Variants in NDST2 observed in about 807,000 individuals in gnomAD.
NDST2 encodes N-deacetylase and N-sulfotransferase 2.
A neutral mutation model predicts 86.9 loss-of-function variants in NDST2; 32 were observed. The ratio of observed to expected loss-of-function variants is 0.37; its 90% confidence interval spans 0.28 to 0.49. NDST2 has a LOEUF of 0.49. Among genes scored for constraint, NDST2 ranks in the 20% least tolerant of loss-of-function variants. The pLI, the probability that NDST2 is intolerant of heterozygous loss-of-function variation, is 0.97. For missense variants in NDST2, 950 were observed against 1,146.9 expected, an observed-to-expected ratio of 0.83 and a Z score of 2.48; for synonymous variants, 409 against 437.0, an observed-to-expected ratio of 0.94 and a Z score of 0.80.
In NDST2 at chr10:73,807,092, AG is replaced by A; in HGVS notation, c.1093+15del. On this transcript the variant is annotated intron_variant, in intron 4 of 14. Transcript: ENST00000309979. ...TCAAACTATGATATGCCAAAGGAGTAGGGGTATAAGCTCACCAGTATGATAG... is the reference window on the plus strand; with the variant it reads ...TCAAACTATGATATGCCAAAGGAGTAGGGTATAAGCTCACCAGTATGATAG... The A allele has an allele frequency of 6.2e-7, 1 of 1,607,942 alleles. No individual in the cohort carries two copies. Among genetic ancestry groups the A allele is most frequent in the Non-Finnish European group, 8.5e-7 (1 of 1,174,454 alleles).
In NDST2 at chr10:73,803,345, A is replaced by C. The variant is rs1589609306; in HGVS notation, c.2157T>G (p.His719Gln). The C allele has an allele frequency of 6.2e-7, 1 of 1,614,096 alleles. No individual in the cohort carries two copies. The highest frequency in any genetic ancestry group is 1.3e-5 in the African/African-American group (1 of 74,924). Residue 719 changes from histidine to glutamine, a missense_variant, in exon 12 of 15, where the codon CAT becomes CAG. This residue lies in a region of NDST2 where 303 missense variants were observed against 323.7 expected (regional missense o/e 0.94). Coordinates refer to ENST00000309979, the MANE Select transcript of NDST2 (RefSeq NM_003635.4). ...AYSWYQHQRA[H>Q]GDPVALNYTF... ...TATAGTTCAGAGCAACTGGGTCTCC[A>C]TGGGCTCGCTGATGCTGAAGGACAA...
In NDST2 at chr10:73,803,019, C is replaced by A; in HGVS notation, c.2376G>T (p.Gln792His). 6.2e-7 allele frequency: 1 copy of A among 1,614,224 alleles called. No homozygotes were observed. The highest frequency in any genetic ancestry group is 8.5e-7 in the Non-Finnish European group (1 of 1,180,048). Reference protein sequence around the residue: ...TNPAASMESIQKFLGITPFLN... With the variant: ...TNPAASMESIHKFLGITPFLN... The stretch of plus-strand genomic sequence containing the variant: ...GAAAGGGTGTGATACCCAGGAACTT[C>A]TGGATGCTCTCCATTGAGGCTGCTG... The change falls in exon 13 of 15, where the codon CAG (glutamine) becomes CAT (histidine). Residue 792 changes from glutamine to histidine, a missense_variant. Physicochemically the swap from Gln to His is conservative, Grantham distance 24. Transcript: ENST00000309979.
chr10:73,804,533 A>G (rs2084064864), intron 9 of NDST2, among the ~76,000 whole-genome samples: 1 of 152,038 alleles, frequency 6.6e-6, no homozygotes, highest in Admixed American at 6.6e-5. Flanking sequence ...CCCAGCTACT[A>G]GGGAAGCTGA....
rs1237169068 is a variant in NDST2 at position 73,802,703 on chromosome 10, C to T, written c.2497G>A (p.Gly833Ser). 7 of 1,614,014 alleles carry T rather than the reference C, an allele frequency of 4.3e-6. No homozygotes were observed. The highest frequency in any genetic ancestry group is 5.9e-6 in the Non-Finnish European group (7 of 1,179,860). ...GKTRCLGRSK[G>S]RRYPDMDTES... is the part of the protein sequence containing the mutation. ...GTGTCCATATCTGGATACCTCCGGC[C>T]TTTGCTCCGGCCTAGACAGCGAGTC... The change falls in exon 14 of 15, where the codon GGC becomes AGC. Residue 833 changes from glycine (G) to serine (S), a missense_variant. By Grantham distance (56) the Gly-to-Ser change is moderately conservative (BLOSUM62 0). This residue lies in a region of NDST2 where 303 missense variants were observed against 323.7 expected (regional missense o/e 0.94). Transcript: ENST00000309979.
rs187397092 is a variant in NDST2 at position 73,803,617 on chromosome 10, G to A, written c.2099C>T (p.Thr700Ile). ...CCTGTCAGCAGGGTTGGTGAGCACT[G>A]TGATGATCTTGGCTCGTGGCAGGAG... ...AALLPRAKII[T>I]VLTNPADRAY... Residue 700 changes from threonine to isoleucine, a missense_variant, in exon 11 of 15, where the codon ACA (threonine) becomes ATA (isoleucine). Thr to Ile is a moderately conservative substitution (Grantham distance 89, BLOSUM62 -1). Coordinates refer to ENST00000309979, the MANE Select transcript of NDST2 (RefSeq NM_003635.4). The A allele has an allele frequency of 5.6e-6, 9 of 1,613,220 alleles. No individual in the cohort carries two copies. The East Asian group carries it at 2.0e-4, about 36-fold the overall frequency.
chr10:73,803,309 C>G lies in NDST2; in HGVS notation c.2193G>C (p.Gln731His). 1 of 1,614,148 alleles carries G rather than the reference C, an allele frequency of 6.2e-7. No homozygotes were observed. The highest frequency in any genetic ancestry group is 8.5e-7 in the Non-Finnish European group (1 of 1,180,026). The stretch of plus-strand genomic sequence containing the variant: ...GGGTCTGGGAGGAGGCTGAAATCAC[C>G]TGATAGAAGGTATAGTTCAGAGCAA... ...DPVALNYTFY[Q>H]VISASSQTPL... The change falls in exon 12 of 15, where the codon CAG becomes CAC. Residue 731 changes from glutamine (Q) to histidine (H), a missense_variant. This residue lies in a region of NDST2 where 303 missense variants were observed against 323.7 expected (regional missense o/e 0.94). Transcript: ENST00000309979.
chr10:73,804,726 C>A, intron 9 of NDST2, 47 bp downstream of exon 9: 1 of 1,165,740 alleles, frequency 8.6e-7, no homozygotes, highest in South Asian at 1.3e-5. Flanking sequence ...CAAAAGGATC[C>A]TTTGGGTTTA....
Position 73,808,759 on chromosome 10 carries a change from C to T in NDST2, c.-341-30G>A. ...AAGACAGAGAAATCAGTGGGTTACT[C>T]CTCCCTCTGAAATTGTCATTAATCC... On this transcript the variant is annotated intron_variant, in intron 2 of 14. Coordinates refer to ENST00000309979, the MANE Select transcript of NDST2 (RefSeq NM_003635.4). The surrounding 1 kb of genome is among the most constrained non-coding windows in gnomAD (Gnocchi z 4.3). 1 of 199,858 alleles carries T rather than the reference C, an allele frequency of 5.0e-6. No individual in the cohort carries two copies. The highest frequency in any genetic ancestry group is 5.2e-5 in the Admixed American group (1 of 19,294). The allele number at this position is 199,858 out of a possible 1,614,324, so 12.4% of individuals were successfully genotyped here. A position where few individuals can be genotyped will look rare whatever the true frequency, so the allele number is the denominator to read the frequency against.
chr10:73,810,757 T>C (rs991599796), intron 2 of NDST2, 42 bp downstream of exon 2: 1 of 398,660 alleles, frequency 2.5e-6, no homozygotes, highest in African/African-American at 2.1e-5. Flanking sequence ...CATGCTCCAT[T>C]ATCCCCATTT....
rs372505312 is a variant in NDST2 at position 73,806,048 on chromosome 10, C to A, written c.1435-20G>T. On this transcript the variant is annotated intron_variant, in intron 6 of 14. Coordinates refer to ENST00000309979, the MANE Select transcript of NDST2 (RefSeq NM_003635.4). This position sits in a 1 kb window ranked among gnomAD's most constrained non-coding sequence, Gnocchi z 4.5. ...CAGCACCTGGAGGGAAAAGAAAAAA[C>A]AGATGAGATTTGAAAGATAGAATGA... 28 of 1,611,802 alleles carry A rather than the reference C, an allele frequency of 1.7e-5. No homozygotes were observed. Among genetic ancestry groups the A allele is most frequent in the Non-Finnish European group, 2.1e-5 (25 of 1,179,238 alleles).
rs1589616781 is a variant in NDST2 at position 73,808,622 on chromosome 10, G to T, written c.-234C>A. On this transcript the variant is annotated 5_prime_UTR_variant, in exon 3 of 15. Coordinates refer to ENST00000309979, the MANE Select transcript of NDST2 (RefSeq NM_003635.4). The surrounding 1 kb of genome is among the most constrained non-coding windows in gnomAD (Gnocchi z 4.3). Reference sequence around the variant, plus strand: ...AGTCCACTTGTCTCAGGTCACCATGGCCCCCTGGCCCATGGCTTCAGGCTG... The same window carrying T: ...AGTCCACTTGTCTCAGGTCACCATGTCCCCCTGGCCCATGGCTTCAGGCTG... 2.1e-6 allele frequency: 1 copy of T among 475,776 alleles called. No homozygotes were observed. The highest frequency in any genetic ancestry group is 3.2e-5 in the East Asian group (1 of 31,022). The allele number at this position is 475,776 out of a possible 1,614,324, so 29.5% of individuals were successfully genotyped here. A position where few individuals can be genotyped will look rare whatever the true frequency, so the allele number is the denominator to read the frequency against.
Position 73,803,255 on chromosome 10 carries a change from G to C in NDST2, c.2247C>G (p.Arg749=). The C allele has an allele frequency of 6.2e-7, 1 of 1,614,222 alleles. No individual in the cohort carries two copies. The highest frequency in any genetic ancestry group is 8.5e-7 in the Non-Finnish European group (1 of 1,180,028). ...TAGAATAGTAGCCAGGGACAAGACA[G>C]CGGTTCTGCAGGGAGCGTAGTGCCA... is the stretch of plus-strand genomic sequence containing the variant. ...TPLALRSLQN[R]CLVPGYYSTH... is the part of the protein sequence containing the mutation. The change falls in exon 12 of 15, where the codon CGC becomes CGG. Residue 749 remains arginine (R), a synonymous_variant. Coordinates refer to ENST00000309979, the MANE Select transcript of NDST2 (RefSeq NM_003635.4).
rs1280863334 is a variant in NDST2 at position 73,803,651 on chromosome 10, C to G, written c.2065G>C (p.Gly689Arg). The stretch of plus-strand genomic sequence containing the variant: ...TTGGCTCGTGGCAGGAGGGCAGCCC[C>G]CCGCCGTGGTACAACTTCAGAGTCA... ...YFDSEVVPRR[G>R]AALLPRAKII... The change falls in exon 11 of 15, where the codon GGG (glycine) becomes CGG (arginine). Residue 689 changes from glycine (G) to arginine (R), a missense_variant. Around this residue, in one of 5 missense-constraint regions of NDST2, gnomAD observed 303 missense variants for 323.7 expected, o/e 0.94. Transcript: ENST00000309979. The G allele has an allele frequency of 1.2e-6, 2 of 1,613,966 alleles. No homozygotes were observed. Among genetic ancestry groups the G allele is most frequent in the Non-Finnish European group, 1.7e-6 (2 of 1,180,018 alleles).
upstream of NDST2, chr10:73,811,808 G>A (rs1022094995): frequency 2.0e-5 from 3 of 152,222 alleles, no homozygotes; most frequent in Admixed American, 6.5e-5. Context: ...CCTCCTCTCC[G>A]CGCGATGGCA....
intron 13 of NDST2, 74 bp downstream of exon 13, chr10:73,802,898 G>T: frequency 6.5e-7 from 1 of 1,531,340 alleles, no homozygotes; most frequent in South Asian, 1.1e-5. Flanking sequence ...GTAAATCTAT[G>T]TCTCTAACAG....
Position 73,806,037 on chromosome 10 carries a change from A to T in NDST2, c.1435-9T>A. 1 of 1,611,748 alleles carries T rather than the reference A, an allele frequency of 6.2e-7. No individual in the cohort carries two copies. Among genetic ancestry groups the T allele is most frequent in the South Asian group, 1.1e-5 (1 of 90,544 alleles). On this transcript the variant is annotated splice_polypyrimidine_tract_variant and intron_variant, in intron 6 of 14. Transcript: ENST00000309979. This position sits in a 1 kb window ranked among gnomAD's most constrained non-coding sequence, Gnocchi z 4.5. ...GTCTGCCGGGGCAGCACCTGGAGGG[A>T]AAAGAAAAAACAGATGAGATTTGAA...
At chr10:73,805,370 C>T (rs941351421) in intron 8 of NDST2, among the ~76,000 whole-genome samples, 31 of 151,706 alleles carry the variant, frequency 2.0e-4, no homozygotes, top group African/African-American at 7.5e-4. Flanking sequence ...AAAAATTAGC[C>T]GGGCGTGGTG....
rs374218483 is a variant in NDST2 at position 73,802,585 on chromosome 10, A to G, written c.2527-9T>C. The G allele has an allele frequency of 6.3e-5, 101 of 1,614,176 alleles. No homozygotes were observed. In the African/African-American group the frequency reaches 1.2e-3, roughly 19 times the overall value. ...GTAAGGAAAAGACGGGACTGACAGG[A>G]GAAAATGAAGGCAGAAATGGTAAGA... is the stretch of plus-strand genomic sequence containing the variant. On this transcript the variant is annotated splice_polypyrimidine_tract_variant and intron_variant, in intron 14 of 14. Coordinates refer to ENST00000309979, the MANE Select transcript of NDST2 (RefSeq NM_003635.4).
intron 8 of NDST2, 33 bp from the exon 9 acceptor site, chr10:73,804,902 AT>A (rs112868774): frequency 0.13 from 123,441 of 964,668 alleles, 2 homozygotes; most frequent in East Asian, 0.14. Context: ...GATAAGGCCT[AT>A]TTTTTTTTTT....
Sources: gnomAD v4.1 joint callset for allele counts (sites outside exome capture counted in the v4.1 genomes callset) on GRCh38, gnomAD v4.1.1 for gene constraint, gnomAD v4.1.1 regional missense constraint, Gnocchi (gnomAD v3.1) non-coding constraint, MANE v1.5 for transcripts, NCBI Gene and HGNC (gene_info 2026-07-23, HGNC 2026-07-21) for gene names.